FYB2: variants seen among roughly 807,000 people sequenced by gnomAD.
FYB2 encodes the protein FYN binding protein 2, also known as FYN-binding protein 2.
A neutral mutation model predicts 94.1 loss-of-function variants in FYB2; 103 were observed. The ratio of observed to expected loss-of-function variants is 1.09; its 90% CI spans 0.93 to 1.29. The LOEUF is 1.29. Ranked by LOEUF, FYB2 falls within the 50% of genes most tolerant of loss-of-function variation. The pLI, the probability that FYB2 is intolerant of heterozygous loss-of-function variation, is 0.00. For synonymous variants in FYB2, 293 were observed against 287.9 expected (o/e 1.02, Z -0.18); for missense variants, 896 against 841.5 (o/e 1.06, Z -0.80).
intron 12 of FYB2, among the ~76,000 whole-genome samples, chr1:56,741,352 G>C (rs895989652): frequency 6.6e-6 from 1 of 151,958 alleles, no homozygotes; most frequent in African/African-American, 2.4e-5. Flanking sequence ...GATAACTCAG[G>C]GAAATGTACT....
At chr1:56,771,707 G>GA (rs1421514011) in intron 4 of FYB2, among the ~76,000 whole-genome samples, 1 of 152,128 alleles carries the variant, frequency 6.6e-6, no homozygotes, top group Admixed American at 6.5e-5. Flanking sequence ...GTATCAAAGA[G>GA]AAAAAATTAC....
At chr1:56,806,480 G>T (rs1466915877) in intron 1 of FYB2, among the ~76,000 whole-genome samples, 1 of 152,078 alleles carries the variant, frequency 6.6e-6, no homozygotes, top group Non-Finnish European at 1.5e-5. Context: ...ATGAGAAGGA[G>T]AAATAGGGCT....
At chr1:56,797,398 C>T (rs1200211677) in intron 1 of FYB2, among the ~76,000 whole-genome samples, 1 of 152,132 alleles carries the variant, frequency 6.6e-6, no homozygotes, top group African/African-American at 2.4e-5. Flanking sequence ...CTAGGTAAAG[C>T]AGCATCTCTC....
At chr1:56,737,739 C>T (rs981427246) in intron 14 of FYB2, 4 of 152,062 alleles carry the variant, frequency 2.6e-5, no homozygotes, top group Non-Finnish European at 5.9e-5. Context: ...ATTTGATTCA[C>T]CACTGAACAA....
chr1:56,771,498 G>A (rs1000228233), intron 4 of FYB2, among the ~76,000 whole-genome samples: 10 of 152,164 alleles, frequency 6.6e-5, no homozygotes, highest in African/African-American at 2.4e-4. Flanking sequence ...CTCTGCAAAG[G>A]GAGAAAGGGA....
At chr1:56,728,196 C>T (rs1255893541) in intron 15 of FYB2, among the ~76,000 whole-genome samples, 1 of 152,064 alleles carries the variant, frequency 6.6e-6, no homozygotes, top group Non-Finnish European at 1.5e-5. Context: ...TGTCTACTCC[C>T]CCTCTTACCC....
chr1:56,725,729 A>T (rs534631280), intron 16 of FYB2, among the ~76,000 whole-genome samples: 1 of 152,094 alleles, frequency 6.6e-6, no homozygotes, highest in African/African-American at 2.4e-5. Context: ...GGGCCATCCA[A>T]TGCCATCCTC....
Position 56,726,595 on chromosome 1 carries a change from T to C in FYB2, c.1794-12A>G, listed in dbSNP as rs756737772. On this transcript the variant is annotated splice_polypyrimidine_tract_variant and intron_variant, in intron 15 of 19. Transcript: ENST00000343433. ...GTTTATCTTCATCTCTGAGGAGAAA[T>C]ATATTTTGAGCAAGTAAATTAAGAC... 13 of 1,599,420 alleles carry C rather than the reference T, an allele frequency of 8.1e-6. No individual in the cohort carries two copies. The Admixed American group carries it at 2.0e-4, about 25-fold the overall frequency.
intron 7 of FYB2, 61 bp downstream of exon 7, chr1:56,755,835 G>T: frequency 6.7e-7 from 1 of 1,497,726 alleles, no homozygotes; most frequent in Non-Finnish European, 9.3e-7. Flanking sequence ...AGGAAAACTA[G>T]TTCAGTCATC....
At chr1:56,801,894 A>G (rs1372192490) in intron 1 of FYB2, among the ~76,000 whole-genome samples, 1 of 152,202 alleles carries the variant, frequency 6.6e-6, no homozygotes. Context: ...AACCTTGGTT[A>G]AACATTCTTC....
At position 56,792,250 on chromosome 1, in the gene FYB2, G is replaced by A; in HGVS notation, c.563C>T (p.Thr188Ile). 6.2e-7 allele frequency: 1 copy of A among 1,612,300 alleles called. No individual in the cohort carries two copies. Residue 188 changes from threonine to isoleucine, a missense_variant, in exon 2 of 20, where the codon ACA (threonine) becomes ATA (isoleucine). Transcript: ENST00000343433. Reference protein sequence around the residue: ...TPEEPRKKLETKGAQTLPSQK... With the variant: ...TPEEPRKKLEIKGAQTLPSQK... Reference sequence around the variant, plus strand: ...GGAAGGAAGAGTCTGGGCTCCTTTTGTTTCCAGCTTTTTCCTGGGTTCCTC... The same window carrying A: ...GGAAGGAAGAGTCTGGGCTCCTTTTATTTCCAGCTTTTTCCTGGGTTCCTC...
At chr1:56,814,950 A>T (rs1176606820) in intron 1 of FYB2, among the ~76,000 whole-genome samples, 1 of 152,190 alleles carries the variant, frequency 6.6e-6, no homozygotes, top group African/African-American at 2.4e-5. Flanking sequence ...CTGCCATCCC[A>T]GAATGTCAGA....
chr1:56,793,960 C>A (rs904328188), intron 1 of FYB2, among the ~76,000 whole-genome samples: 2 of 152,134 alleles, frequency 1.3e-5, no homozygotes, highest in Non-Finnish European at 2.9e-5. Context: ...TTGATCTTCC[C>A]TCTAAGTGCT....
chr1:56,781,009 T>C (rs2100898224), intron 4 of FYB2, among the ~76,000 whole-genome samples: 1 of 152,308 alleles, frequency 6.6e-6, no homozygotes, highest in African/African-American at 2.4e-5. Flanking sequence ...TGCTTTCACC[T>C]CTTGAATATC....
At chr1:56,728,398 G>A (rs1234723711) in intron 15 of FYB2, among the ~76,000 whole-genome samples, 1 of 152,054 alleles carries the variant, frequency 6.6e-6, no homozygotes, top group Non-Finnish European at 1.5e-5. Context: ...ATCAAATTAT[G>A]TTTTGGTATC....
Position 56,796,533 on chromosome 1 carries a change from G to C in FYB2, c.10-3730C>G, listed in dbSNP as rs113725073. ...GCCCCTGTAATCCACCATTTACTCA[G>C]CTGTTAGACAAACCTCTTTAAAAAC... is the stretch of plus-strand genomic sequence containing the variant. On this transcript the variant is annotated intron_variant, in intron 1 of 19. Coordinates refer to ENST00000343433, the MANE Select transcript of FYB2 (RefSeq NM_001004303.5). Among the ~76,000 whole-genome samples, 105 of 152,190 alleles carry C rather than the reference G, an allele frequency of 6.9e-4. 1 individual carries two copies. Among genetic ancestry groups the C allele is most frequent in the African/African-American group, 2.3e-3 (96 of 41,502 alleles).
At chr1:56,786,022 G>A (rs902414518) in intron 4 of FYB2, among the ~76,000 whole-genome samples, 5 of 152,164 alleles carry the variant, frequency 3.3e-5, no homozygotes, top group African/African-American at 1.2e-4. Flanking sequence ...TGTTAGCAGC[G>A]ACTGTAGGAG....
intron 15 of FYB2, among the ~76,000 whole-genome samples, chr1:56,731,511 G>A (rs1010508285): frequency 6.6e-6 from 1 of 151,934 alleles, no homozygotes; most frequent in Admixed American, 6.6e-5. Flanking sequence ...ATCATGGAGG[G>A]TTACTGTGAT....
rs377245249 is a variant in FYB2, at chr1:56,744,301, A to G, written c.1388-35T>C. ...AACCAGAAAACCTGAAAAACATCAC[A>G]TCAGCTGCCATCATAAAGTCATTCA... On this transcript the variant is annotated intron_variant, in intron 9 of 19. Transcript: ENST00000343433. 1.7e-5 allele frequency: 25 copies of G among 1,458,456 alleles called. No homozygotes were observed. The East Asian group carries it at 2.3e-4, about 13-fold the overall frequency. The allele number at this position is 1,458,456 out of a possible 1,614,324, so 90.3% of individuals were successfully genotyped here.
Sources: allele counts gnomAD v4.1 joint callset (sites outside exome capture counted in the v4.1 genomes callset), GRCh38; gene constraint gnomAD v4.1.1; transcripts MANE v1.5; gene names NCBI Gene and HGNC (gene_info 2026-07-23, HGNC 2026-07-21).